Variants in ETV4 observed in about 807,000 individuals in gnomAD.
The protein encoded by ETV4 is ETS variant transcription factor 4, also known as ETS translocation variant 4.
ETV4 carries 42 observed loss-of-function variants against 65.9 expected under a neutral mutation model. That is an observed-to-expected ratio of 0.64 (90% confidence interval 0.50 to 0.82). The LOEUF is 0.82. Ranked by LOEUF, ETV4 falls within the 40% of genes least tolerant of loss-of-function variation. The probability of loss-of-function intolerance (pLI) is 0.00; values close to 1 mark genes in which losing one functional copy is unlikely to be tolerated. For missense variants in ETV4, 583 were observed against 630.3 expected (o/e 0.92, Z 0.80); for synonymous variants, 238 against 260.0 (o/e 0.92, Z 0.81).
At chr17:43,536,533 G>C in intron 4 of ETV4, 54 bp from the exon 5 acceptor site, 2 of 1,548,048 alleles carry the variant, frequency 1.3e-6, no homozygotes, top group Non-Finnish European at 1.8e-6. Context: ...TGTCCCCTGG[G>C]AGGCTCCATT....
intron 4 of ETV4, among the ~76,000 whole-genome samples, chr17:43,541,954 C>T (rs1009132605): frequency 2.6e-5 from 4 of 152,248 alleles, no homozygotes; most frequent in South Asian, 2.1e-4. Context: ...TGCACTCGGA[C>T]GCATATTCAG....
rs763506155 is a variant in ETV4 at position 43,530,108 on chromosome 17, C to G, written c.885G>C (p.Met295Ile). 3.1e-5 allele frequency: 49 copies of G among 1,591,742 alleles called. No homozygotes were observed. The highest frequency in any genetic ancestry group is 4.1e-5 in the Non-Finnish European group (48 of 1,168,786). Reference protein sequence around the residue: ...FSGPSPGDGAMGYGYEKPLRP... With the variant: ...FSGPSPGDGAIGYGYEKPLRP... ...GCAGGGGAAGGGGGGCTGCCTTACCCATGGCCCCGTCACCTGGAGAGGGCC... is the reference window on the plus strand; with the variant it reads ...GCAGGGGAAGGGGGGCTGCCTTACCGATGGCCCCGTCACCTGGAGAGGGCC... The change falls in exon 9 of 13, where the codon ATG (methionine) becomes ATC (isoleucine). Residue 295 changes from methionine to isoleucine, a missense_variant and splice_region_variant. Transcript: ENST00000319349.
At chr17:43,533,165 G>A (rs200454454) in intron 7 of ETV4, 22 bp downstream of exon 7, 11 of 1,611,932 alleles carry the variant, frequency 6.8e-6, no homozygotes, top group African/African-American at 1.3e-5. Flanking sequence ...CCCATGAGCA[G>A]TGGGTTTCCC....
chr17:43,529,150 T>A lies in ETV4; in HGVS notation c.1215A>T (p.Lys405Asn). The change falls in exon 12 of 13, where the codon AAA becomes AAT. Residue 405 changes from lysine (K) to asparagine (N), a missense_variant. Physicochemically the swap from Lys to Asn is moderately conservative, Grantham distance 94 (BLOSUM62 0). Transcript: ENST00000319349. Reference sequence around the variant, plus strand: ...CAGCCCCCACCTTCTGCATGATGCCTTTCTCATAATAGTATCGGAGCGAGC... The same window carrying A: ...CAGCCCCCACCTTCTGCATGATGCCATTCTCATAATAGTATCGGAGCGAGC... Reference protein sequence around the residue: ...LSRSLRYYYEKGIMQKVAGER... With the variant: ...LSRSLRYYYENGIMQKVAGER... 2 of 1,613,970 alleles carry A rather than the reference T, an allele frequency of 1.2e-6. No individual in the cohort carries two copies. Among genetic ancestry groups the A allele is most frequent in the Non-Finnish European group, 1.7e-6 (2 of 1,180,004 alleles).
At position 43,529,492 on chromosome 17, in the gene ETV4, C is replaced by T. The variant is rs150661130; in HGVS notation, c.1128+12G>A. 1.2e-5 allele frequency: 19 copies of T among 1,598,896 alleles called. No homozygotes were observed. In the Middle Eastern group the frequency reaches 8.4e-4, roughly 70 times the overall value. On this transcript the variant is annotated intron_variant, in intron 11 of 12. Coordinates refer to ENST00000319349, the MANE Select transcript of ETV4 (RefSeq NM_001079675.5). ...TTTGGAAAGGAGGGCTGGGAACATC[C>T]GAGAGGCCCACCTCCTCAGGCTCAA... is the stretch of plus-strand genomic sequence containing the variant.
chr17:43,530,494 A>G, intron 8 of ETV4: 1 of 1,229,612 alleles, frequency 8.1e-7, no homozygotes, highest in South Asian at 1.8e-5. Context: ...CAGGGGGAGG[A>G]GGGAGGGTGA....
chr17:43,532,512 AAG>A (rs1297134492), intron 8 of ETV4, among the ~76,000 whole-genome samples, 160 bp downstream of exon 8: 4 of 152,116 alleles, frequency 2.6e-5, no homozygotes, highest in South Asian at 2.1e-4. Context: ...AAAAAAGAAA[AAG>A]AAAGAAAAAT....
chr17:43,529,254 T>G lies in ETV4; in HGVS notation c.1129-18A>C, dbSNP rs774276897. ...CTGGCGACCTGGGAACAAAACAGTT[T>G]TGGGGTAGAGATGCTACCTTGGCAG... On this transcript the variant is annotated intron_variant, in intron 11 of 12. Transcript: ENST00000319349. 6.2e-7 allele frequency: 1 copy of G among 1,613,240 alleles called. No homozygotes were observed. Among genetic ancestry groups the G allele is most frequent in the Non-Finnish European group, 8.5e-7 (1 of 1,179,388 alleles).
Position 43,528,125 on chromosome 17 carries a change from T to G in ETV4, c.*394A>C. On this transcript the variant is annotated 3_prime_UTR_variant, in exon 13 of 13. Transcript: ENST00000319349. ...GCTTCTGTCTCCCCGCAGTGGGAGA[T>G]CTGGGGAGCTCAGTGAACCTCCTCA... is the stretch of plus-strand genomic sequence containing the variant. 1 of 240,124 alleles carries G rather than the reference T, an allele frequency of 4.2e-6. No individual in the cohort carries two copies. Among genetic ancestry groups the G allele is most frequent in the East Asian group, 6.0e-5 (1 of 16,690 alleles). The allele number at this position is 240,124 out of a possible 1,614,324, so 14.9% of individuals were successfully genotyped here. A position where few individuals can be genotyped will look rare whatever the true frequency, so the allele number is the denominator to read the frequency against.
chr17:43,540,306 A>G (rs1224643787), intron 4 of ETV4, among the ~76,000 whole-genome samples: 1 of 152,170 alleles, frequency 6.6e-6, no homozygotes, highest in Non-Finnish European at 1.5e-5. Context: ...TACAAAAATT[A>G]GCCAGGCATG....
intron 3 of ETV4, 45 bp downstream of exon 3, chr17:43,545,229 G>C: frequency 8.4e-7 from 1 of 1,184,188 alleles, no homozygotes; most frequent in Non-Finnish European, 1.2e-6. Context: ...GTGTGTGTGT[G>C]TGTGTGGCGG....
intron 4 of ETV4, among the ~76,000 whole-genome samples, chr17:43,538,282 G>A (rs1057298237): frequency 2.0e-5 from 3 of 152,050 alleles, no homozygotes; most frequent in Admixed American, 6.6e-5. Context: ...ACTCCAGCCT[G>A]GCGACAGAGC....
chr17:43,541,131 A>C (rs1351697202), intron 4 of ETV4, among the ~76,000 whole-genome samples: 2 of 152,096 alleles, frequency 1.3e-5, no homozygotes, highest in Non-Finnish European at 2.9e-5. Context: ...AGGTGGTGCC[A>C]TCCTCTTCCC....
rs1970664918 is a variant in ETV4, at chr17:43,527,867, T to C, written c.*652A>G. 4.3e-6 allele frequency: 1 copy of C among 230,116 alleles called. No homozygotes were observed. Among genetic ancestry groups the C allele is most frequent in the Non-Finnish European group, 8.6e-6 (1 of 115,960 alleles). The allele number at this position is 230,116 out of a possible 1,614,324, so 14.3% of individuals were successfully genotyped here. A position where few individuals can be genotyped will look rare whatever the true frequency, so the allele number is the denominator to read the frequency against. ...CTAATGGGAGAAGTGGGGGCCTTTA[T>C]TAAGGTCTGGCAGATGTGGTGGAGG... On this transcript the variant is annotated 3_prime_UTR_variant, in exon 13 of 13. Coordinates refer to ENST00000319349, the MANE Select transcript of ETV4 (RefSeq NM_001079675.5).
chr17:43,529,659 C>A lies in ETV4; in HGVS notation c.973G>T (p.Gly325Trp), dbSNP rs995734282. Residue 325 changes from glycine (G) to tryptophan (W), a missense_variant, in exon 11 of 13, where the codon GGG becomes TGG. Physicochemically the swap from Gly to Trp is radical, Grantham distance 184 (BLOSUM62 -2). Transcript: ENST00000319349. The part of the protein sequence containing the change: ...EKFEGDIKQE[G>W]VGAFREGPPY... ...GGCCCCTCTCGAAATGCACCGACCC[C>A]TTCCTGCTTGATGTCTCCTGGGGAA... The A allele has an allele frequency of 6.2e-7, 1 of 1,612,668 alleles. No individual in the cohort carries two copies. Among genetic ancestry groups the A allele is most frequent in the African/African-American group, 1.3e-5 (1 of 74,984 alleles).
intron 4 of ETV4, among the ~76,000 whole-genome samples, chr17:43,543,022 G>C (rs75147298): frequency 0.014 from 2,125 of 152,158 alleles, 40 homozygotes; most frequent in African/African-American, 0.049. Context: ...GATGGTGCAG[G>C]GGGACAGGGC....
Position 43,533,905 on chromosome 17 carries a change from T to C in ETV4, c.337A>G (p.Lys113Glu). ...RTDPALSCSR[K>E]PPLPYHHGEQ... ...CCATGGTGGTAGGGGAGTGGCGGCT[T>C]CCTGCTGCAGGACAGGGCCGGGTCT... Residue 113 changes from lysine to glutamate, a missense_variant, in exon 6 of 13, where the codon AAG becomes GAG. Transcript: ENST00000319349. The C allele has an allele frequency of 6.3e-7, 1 of 1,596,634 alleles. No homozygotes were observed. Among genetic ancestry groups the C allele is most frequent in the Non-Finnish European group, 8.5e-7 (1 of 1,173,860 alleles).
rs1567709336 is a variant in ETV4, at chr17:43,532,827, A to G, written c.658T>C (p.Tyr220His). The change falls in exon 8 of 13, where the codon TAT (tyrosine) becomes CAT (histidine). Residue 220 changes from tyrosine (Y) to histidine (H), a missense_variant. Transcript: ENST00000319349. ...QHQLSEPCPP[Y>H]PQQSFKQEYH... Reference sequence around the variant, plus strand: ...TCTTGCTTAAAGCTCTGCTGGGGATAGGGTGGGCAGGGCTCCGACAGCTGG... The same window carrying G: ...TCTTGCTTAAAGCTCTGCTGGGGATGGGGTGGGCAGGGCTCCGACAGCTGG... 3 of 1,613,850 alleles carry G rather than the reference A, an allele frequency of 1.9e-6. No homozygotes were observed. In the Admixed American group the frequency reaches 5.0e-5, roughly 27 times the overall value.
chr17:43,532,995 C>G, intron 7 of ETV4, 56 bp from the exon 8 acceptor site: 3 of 1,524,298 alleles, frequency 2.0e-6, no homozygotes, highest in Non-Finnish European at 1.8e-6. Flanking sequence ...AATCCTTCCT[C>G]GAGCCTGTTA....
Sources: gnomAD v4.1 joint callset for allele counts (sites outside exome capture counted in the v4.1 genomes callset) on GRCh38, gnomAD v4.1.1 for gene constraint, MANE v1.5 for transcripts, NCBI Gene and HGNC (gene_info 2026-07-23, HGNC 2026-07-21) for gene names.